The following DIAPH2 variants were observed in gnomAD, a reference collection of about 807,000 sequenced individuals.
DIAPH2 encodes the protein diaphanous related formin 2.
DIAPH2 carries 35 observed loss-of-function variants against 92.7 expected under a neutral mutation model. The ratio of observed to expected loss-of-function variants is 0.38; its 90% confidence interval spans 0.29 to 0.50. The LOEUF (loss-of-function observed/expected upper bound fraction) is 0.50, where lower values mean the gene tolerates loss of function less well. Ranked by LOEUF, DIAPH2 falls within the 20% of genes least tolerant of loss-of-function variation. The pLI is 0.94. For missense variants in DIAPH2, 701 were observed against 819.5 expected (o/e 0.86, Z 1.77); for synonymous variants, 301 against 280.4 (o/e 1.07, Z -0.73).
chrX:97,546,342 T>C (rs1232856510), intron 26 of DIAPH2, among the ~76,000 whole-genome samples: 1 of 111,874 alleles, frequency 8.9e-6, no homozygotes, highest in African/African-American at 3.2e-5. Flanking sequence ...TAGCTACTCA[T>C]GTCTTAGATT....
chrX:96,873,107 G>A lies in DIAPH2; in HGVS notation c.448-8472G>A, dbSNP rs142982015. ...ATTTGTCATTGCCTTTCTTTTGGATGGATACAAGCCATTTTAACTGGGGTG... is the reference window on the plus strand; with the variant it reads ...ATTTGTCATTGCCTTTCTTTTGGATAGATACAAGCCATTTTAACTGGGGTG... On this transcript the variant is annotated intron_variant, in intron 4 of 26. Coordinates refer to ENST00000324765, the MANE Select transcript of DIAPH2 (RefSeq NM_006729.5). Among the ~76,000 whole-genome samples the A allele has an allele frequency of 5.1e-3, 567 of 111,256 alleles. 1 individual carries two copies. The highest frequency in any genetic ancestry group is 0.017 in the African/African-American group (514 of 30,588).
Position 96,789,469 on chromosome X carries a change from T to A in DIAPH2, c.447+31211T>A, listed in dbSNP as rs1242553525. Reference sequence around the variant, plus strand: ...CCCAGATACCAGCCAAGGGCCAACTTTGCATGCAAGCCTTTCTATAAATAG... The same window carrying A: ...CCCAGATACCAGCCAAGGGCCAACTATGCATGCAAGCCTTTCTATAAATAG... On this transcript the variant is annotated intron_variant, in intron 4 of 26. Transcript: ENST00000324765. 2.7e-5 allele frequency among the ~76,000 whole-genome samples: 3 copies of A among 112,151 alleles called. No individual in the cohort carries two copies. The East Asian group carries it at 8.4e-4, about 32-fold the overall frequency.
At chrX:96,844,633 G>T (rs756728341) in intron 4 of DIAPH2, among the ~76,000 whole-genome samples, 9 of 112,190 alleles carry the variant, frequency 8.0e-5, no homozygotes, top group African/African-American at 2.9e-4. Flanking sequence ...ATGCTTAATT[G>T]TTTTAATCAG....
intron 4 of DIAPH2, among the ~76,000 whole-genome samples, chrX:96,841,431 C>T (rs949203990): frequency 4.5e-5 from 5 of 111,701 alleles, no homozygotes; most frequent in Admixed American, 9.6e-5. Flanking sequence ...ATTGCCTTCT[C>T]CTCTCCATTC....
chrX:97,509,728 A>C (rs11797271), intron 26 of DIAPH2, among the ~76,000 whole-genome samples: 10,361 of 104,150 alleles, frequency 0.099, 611 homozygotes, highest in Admixed American at 0.18. Context: ...CTCGTTGTTC[A>C]ATTCCCATCT....
intron 22 of DIAPH2, among the ~76,000 whole-genome samples, chrX:97,216,201 A>G (rs1419961006): frequency 1.2e-4 from 14 of 112,495 alleles, no homozygotes; most frequent in Non-Finnish European, 5.6e-5. Context: ...TGTGGGAAAC[A>G]TCTTTTAAAA....
At chrX:97,013,504 A>G (rs2066241160) in intron 17 of DIAPH2, among the ~76,000 whole-genome samples, 1 of 112,293 alleles carries the variant, frequency 8.9e-6, no homozygotes, top group Non-Finnish European at 1.9e-5. Context: ...AGATGGCTGT[A>G]CAACAGACCA....
intron 22 of DIAPH2, among the ~76,000 whole-genome samples, chrX:97,144,353 G>A (rs1327844498): frequency 9.0e-6 from 1 of 110,800 alleles, no homozygotes; most frequent in East Asian, 2.8e-4. Flanking sequence ...GAAATAATAC[G>A]TCCTAATGTT....
At chrX:97,379,973 C>CT (rs1181397104) in intron 24 of DIAPH2, among the ~76,000 whole-genome samples, 107 of 100,454 alleles carry the variant, frequency 1.1e-3, no homozygotes, top group East Asian at 2.2e-3. Context: ...GAATTTCTTT[C>CT]TTTTTTTTTT....
intron 20 of DIAPH2, among the ~76,000 whole-genome samples, chrX:97,113,069 C>T (rs767257229): frequency 1.8e-5 from 2 of 110,541 alleles, no homozygotes; most frequent in East Asian, 2.8e-4. Context: ...CCTCAGCCAC[C>T]GCGCCCGGCC....
chrX:97,249,543 T>A (rs1423832482), intron 23 of DIAPH2, among the ~76,000 whole-genome samples: 8 of 111,454 alleles, frequency 7.2e-5, no homozygotes, highest in African/African-American at 2.6e-4. Context: ...AGAGAAAAAA[T>A]TAGAATATTG....
At chrX:97,183,739 T>G (rs754365134) in intron 22 of DIAPH2, among the ~76,000 whole-genome samples, 1 of 112,391 alleles carries the variant, frequency 8.9e-6, no homozygotes, top group African/African-American at 3.2e-5. Flanking sequence ...TACTGATTAC[T>G]CTGAAATGCA....
chrX:97,378,972 G>A (rs2069527591), intron 24 of DIAPH2, among the ~76,000 whole-genome samples: 1 of 111,517 alleles, frequency 9.0e-6, no homozygotes, highest in South Asian at 3.8e-4. Flanking sequence ...TCTAATTTAC[G>A]TAATTTTATG....
At chrX:97,424,626 T>A (rs893938089) in intron 25 of DIAPH2, among the ~76,000 whole-genome samples, 1 of 111,349 alleles carries the variant, frequency 9.0e-6, no homozygotes, top group African/African-American at 3.3e-5. Flanking sequence ...TTGACTTTAT[T>A]TATTTTGAGA....
chrX:97,262,544 T>C (rs753051204), intron 23 of DIAPH2, among the ~76,000 whole-genome samples: 1 of 111,937 alleles, frequency 8.9e-6, no homozygotes, highest in Non-Finnish European at 1.9e-5. Flanking sequence ...GGGAAAGTCA[T>C]TAGAGAATTG....
rs1256888466 is a variant in DIAPH2, at chrX:97,193,012, C to CTTTTCTT, written c.2719+51222_2719+51223insCTTTTTT. On this transcript the variant is annotated intron_variant, in intron 22 of 26. Coordinates refer to ENST00000324765, the MANE Select transcript of DIAPH2 (RefSeq NM_006729.5). ...ATTTCTTTCTTTTTCTTTTTCTTTT[C>CTTTTCTT]TTTTTTTTTTTTTTTTTTGAGACAG... is the stretch of plus-strand genomic sequence containing the variant. Among the ~76,000 whole-genome samples, 551 of 86,531 alleles carry CTTTTCTT rather than the reference C, an allele frequency of 6.4e-3. 20 individuals are homozygous for CTTTTCTT. The highest frequency in any genetic ancestry group is 0.027 in the African/African-American group (540 of 19,770). 75.1% of individuals were successfully genotyped at this position (86,531 alleles called of 115,157 possible).
Position 96,729,152 on chromosome X carries a change from G to A in DIAPH2, c.133-6606G>A, listed in dbSNP as rs769386796. On this transcript the variant is annotated intron_variant, in intron 1 of 26. Transcript: ENST00000324765. ...GAGTCAGATGGTTACATTCTTTTGAGTTTCTGGTAAGTCTTTTCAAAAGAG... is the reference window on the plus strand; with the variant it reads ...GAGTCAGATGGTTACATTCTTTTGAATTTCTGGTAAGTCTTTTCAAAAGAG... Among the ~76,000 whole-genome samples the A allele has an allele frequency of 1.2e-4, 14 of 112,033 alleles. No individual in the cohort carries two copies. In the East Asian group the frequency reaches 2.8e-3, roughly 22 times the overall value.
chrX:97,600,515 A>AAAT lies in DIAPH2; in HGVS notation c.*1199_*1201dup, dbSNP rs2071586993. 8.9e-6 allele frequency: 1 copy of AAAT among 112,646 alleles called. No homozygotes were observed. Among genetic ancestry groups the AAAT allele is most frequent in the Non-Finnish European group, 1.9e-5 (1 of 53,205 alleles). 9.3% of individuals were successfully genotyped at this position (112,646 alleles called of 1,213,427 possible). On this transcript the variant is annotated 3_prime_UTR_variant, in exon 27 of 27. Transcript: ENST00000324765. ...TCATACTTACTTACCTTATATTAAC[A>AAAT]AATTAAGATGATGCTGCCAAAACAA...
At chrX:97,541,562 T>C (rs1234533062) in intron 26 of DIAPH2, among the ~76,000 whole-genome samples, 2 of 112,264 alleles carry the variant, frequency 1.8e-5, no homozygotes, top group Non-Finnish European at 3.8e-5. Flanking sequence ...ATCCAAAATA[T>C]GTCCTTTGTG....
Sources: gnomAD v4.1 joint callset for allele counts (sites outside exome capture counted in the v4.1 genomes callset) on GRCh38, gnomAD v4.1.1 for gene constraint, MANE v1.5 for transcripts, NCBI Gene and HGNC (gene_info 2026-07-23, HGNC 2026-07-21) for gene names.